The following SLC4A8 variants were observed in gnomAD, a reference collection of about 807,000 sequenced individuals.
SLC4A8 encodes the protein solute carrier family 4 member 8.
SLC4A8 carries 40 observed loss-of-function variants against 125.0 expected under a neutral mutation model. The observed-to-expected ratio is 0.32, with a 90% CI of 0.25 to 0.42. The LOEUF is 0.42. Among genes scored for constraint, SLC4A8 ranks in the 10% least tolerant of loss-of-function variants. The pLI, the probability that SLC4A8 is intolerant of heterozygous loss-of-function variation, is 1.00. For synonymous variants in SLC4A8, 456 were observed against 476.0 expected (o/e 0.96, Z 0.55); for missense variants, 863 against 1,355.1 (o/e 0.64, Z 5.70).
At chr12:51,469,974 T>G (rs1950644918) in intron 12 of SLC4A8, among the ~76,000 whole-genome samples, 186 bp downstream of exon 12, 1 of 152,158 alleles carries the variant, frequency 6.6e-6, no homozygotes, top group Admixed American at 6.5e-5. Context: ...AACAGACTCT[T>G]CTGCTTGAAC....
In SLC4A8 at chr12:51,510,970, CTG is replaced by C; in HGVS notation, c.*3534_*3535del. ...TTAAAAATCCATGGGTCCCTATGGA[CTG>C]TCACCTGTTGCAGATGATGGTGATT... On this transcript the variant is annotated 3_prime_UTR_variant, in exon 25 of 25. Transcript: ENST00000453097. The C allele has an allele frequency of 6.6e-6, 1 of 152,344 alleles. No individual in the cohort carries two copies. The highest frequency in any genetic ancestry group is 1.9e-4 in the East Asian group (1 of 5,182). 9.4% of individuals were successfully genotyped at this position (152,344 alleles called of 1,614,324 possible).
chr12:51,483,166 C>T (rs1484989959), intron 16 of SLC4A8, among the ~76,000 whole-genome samples: 2 of 152,064 alleles, frequency 1.3e-5, no homozygotes, highest in South Asian at 2.1e-4. Context: ...AGCCTGTTGC[C>T]GGTACCCACC....
intron 16 of SLC4A8, among the ~76,000 whole-genome samples, chr12:51,485,285 A>G (rs973698208): frequency 1.3e-5 from 2 of 152,182 alleles, no homozygotes; most frequent in East Asian, 1.9e-4. Flanking sequence ...GGCTGCTACC[A>G]TTACCTGAAC....
rs188487780 is a variant in SLC4A8 at position 51,459,911 on chromosome 12, G to T, written c.856-40G>T. ...AAATTTAAAAACGATATTTAAGGTGGTGGTTCCCAAGTTGTCAGATGTTTC... is the reference window on the plus strand; with the variant it reads ...AAATTTAAAAACGATATTTAAGGTGTTGGTTCCCAAGTTGTCAGATGTTTC... On this transcript the variant is annotated intron_variant, in intron 7 of 24. Coordinates refer to ENST00000453097, the MANE Select transcript of SLC4A8 (RefSeq NM_001039960.3). 10 of 1,554,208 alleles carry T rather than the reference G, an allele frequency of 6.4e-6. No individual in the cohort carries two copies. In the East Asian group the frequency reaches 1.8e-4, roughly 28 times the overall value.
chr12:51,405,945 C>T (rs983283544), intron 1 of SLC4A8, among the ~76,000 whole-genome samples: 1 of 152,046 alleles, frequency 6.6e-6, no homozygotes, highest in African/African-American at 2.4e-5. Flanking sequence ...AAATTAAGGC[C>T]ATAAAATAGG....
At chr12:51,407,292 T>C (rs796577401) in intron 1 of SLC4A8, among the ~76,000 whole-genome samples, 5 of 152,312 alleles carry the variant, frequency 3.3e-5, no homozygotes, top group African/African-American at 9.6e-5. Flanking sequence ...GAAGTTTTGC[T>C]CTGTTGCCCA....
intron 16 of SLC4A8, among the ~76,000 whole-genome samples, chr12:51,484,356 A>T (rs918615321): frequency 1.3e-5 from 2 of 152,122 alleles, no homozygotes; most frequent in African/African-American, 2.4e-5. Flanking sequence ...CTGTCATCAG[A>T]TAGGAAGGAA....
At chr12:51,452,084 T>C (rs1949990222) in intron 3 of SLC4A8, 40 bp from the exon 4 acceptor site, 11 of 1,606,726 alleles carry the variant, frequency 6.8e-6, no homozygotes, top group Non-Finnish European at 9.4e-6. Flanking sequence ...GTTCTAAGTG[T>C]GAGGCTAGAG....
chr12:51,424,753 G>A (rs1049003598), upstream of SLC4A8: 15 of 483,018 alleles, frequency 3.1e-5, no homozygotes, highest in Non-Finnish European at 5.1e-5. Flanking sequence ...CCAGGGTACC[G>A]CCGGACAGCG....
intron 11 of SLC4A8, among the ~76,000 whole-genome samples, chr12:51,463,934 C>T (rs915626065): frequency 6.6e-6 from 1 of 152,174 alleles, no homozygotes; most frequent in Non-Finnish European, 1.5e-5. Flanking sequence ...TTTTGTCTCA[C>T]CTCCAGTCCT....
At chr12:51,436,852 C>T (rs958526356) in intron 1 of SLC4A8, among the ~76,000 whole-genome samples, 8 of 152,146 alleles carry the variant, frequency 5.3e-5, no homozygotes, top group African/African-American at 1.4e-4. Context: ...GTCTCGAACT[C>T]CTGACCTCAA....
At chr12:51,433,210 G>A (rs963715172) in intron 1 of SLC4A8, among the ~76,000 whole-genome samples, 2 of 152,170 alleles carry the variant, frequency 1.3e-5, no homozygotes, top group Admixed American at 6.5e-5. Flanking sequence ...TCATGACAAT[G>A]CTTTCTTTCT....
At chr12:51,429,129 C>T (rs1949102067) in intron 1 of SLC4A8, among the ~76,000 whole-genome samples, 1 of 152,038 alleles carries the variant, frequency 6.6e-6, no homozygotes, top group Non-Finnish European at 1.5e-5. Flanking sequence ...CCAGGCTGGT[C>T]TCAAACTCCT....
rs776499092 is a variant in SLC4A8 at position 51,470,506 on chromosome 12, A to G, written c.1639A>G (p.Ile547Val). ...TGGACCAGTGCTTGTGTTTGAAAAGATTTTGTTCAAATTCTGCAAGTAAGA... is the reference window on the plus strand; with the variant it reads ...TGGACCAGTGCTTGTGTTTGAAAAGGTTTTGTTCAAATTCTGCAAGTAAGA... ...STGPVLVFEK[I>V]LFKFCKDYAL... is the part of the protein sequence containing the mutation. The change falls in exon 13 of 25, where the codon ATT becomes GTT. Residue 547 changes from isoleucine (I) to valine (V), a missense_variant. Coordinates refer to ENST00000453097, the MANE Select transcript of SLC4A8 (RefSeq NM_001039960.3). 318 of 1,613,664 alleles carry G rather than the reference A, an allele frequency of 2.0e-4. No individual in the cohort carries two copies. The highest frequency in any genetic ancestry group is 2.6e-4 in the Non-Finnish European group (303 of 1,179,820).
chr12:51,463,681 G>T lies in SLC4A8; in HGVS notation c.1316G>T (p.Gly439Val), dbSNP rs1303442134. Residue 439 changes from glycine (G) to valine (V), a missense_variant, in exon 11 of 25, where the codon GGT becomes GTT. Physicochemically the swap from Gly to Val is moderately radical, Grantham distance 109. Coordinates refer to ENST00000453097, the MANE Select transcript of SLC4A8 (RefSeq NM_001039960.3). The part of the protein sequence containing the change: ...VCHIEQEPHG[G>V]HSGPELQRTG... ...CACATAGAACAGGAACCACATGGGG[G>T]TCACAGTGGGCCAGAACTTCAGCGC... The T allele has an allele frequency of 2.5e-6, 4 of 1,613,876 alleles. No homozygotes were observed. The highest frequency in any genetic ancestry group is 2.7e-5 in the African/African-American group (2 of 74,904).
chr12:51,416,314 A>G (rs757967944), intron 1 of SLC4A8, among the ~76,000 whole-genome samples: 2 of 142,222 alleles, frequency 1.4e-5, no homozygotes, highest in African/African-American at 5.3e-5. Flanking sequence ...CCAACTTTTA[A>G]TTGTGAAAAT....
chr12:51,394,857 A>T (rs1219595292), intron 1 of SLC4A8, among the ~76,000 whole-genome samples: 3 of 152,166 alleles, frequency 2.0e-5, no homozygotes, highest in African/African-American at 7.2e-5. Flanking sequence ...AACATATATG[A>T]TAGTGAAAAA....
intron 1 of SLC4A8, among the ~76,000 whole-genome samples, chr12:51,429,937 C>T (rs1470897568): frequency 1.3e-5 from 2 of 151,670 alleles, no homozygotes; most frequent in Non-Finnish European, 2.9e-5. Context: ...TCACAGTTCT[C>T]CTGATAAGCA....
chr12:51,422,560 T>G (rs372736176), upstream of SLC4A8, among the ~76,000 whole-genome samples: 4 of 152,288 alleles, frequency 2.6e-5, no homozygotes, highest in South Asian at 4.1e-4. Context: ...AATTTCTACA[T>G]GTTGGCCCAA....
Sources: gnomAD v4.1 joint callset for allele counts (sites outside exome capture counted in the v4.1 genomes callset) on GRCh38, gnomAD v4.1.1 for gene constraint, MANE v1.5 for transcripts, NCBI Gene and HGNC (gene_info 2026-07-23, HGNC 2026-07-21) for gene names.